Variants in DGKB observed in about 807,000 individuals in gnomAD.
DGKB encodes the protein diacylglycerol kinase beta.
DGKB carries 67 observed loss-of-function variants against 114.3 expected under a neutral mutation model. That is an observed-to-expected ratio of 0.59 (90% CI 0.48 to 0.72). DGKB has a LOEUF of 0.72. Among genes scored for constraint, DGKB ranks in the 30% least tolerant of loss-of-function variants. The pLI, the probability that DGKB is intolerant of heterozygous loss-of-function variation, is 0.00. For missense variants in DGKB, 907 were observed against 975.2 expected, an observed-to-expected ratio of 0.93 and a Z score of 0.93; for synonymous variants, 398 against 323.1, an observed-to-expected ratio of 1.23 and a Z score of -2.49.
chr7:14,393,081 TG>T (rs1366366807), intron 21 of DGKB, among the ~76,000 whole-genome samples: 1 of 144,898 alleles, frequency 6.9e-6, no homozygotes, highest in Admixed American at 7.1e-5. Context: ...CTCTGCCCCC[TG>T]GGGTTCACGC....
At chr7:14,639,011 C>G (rs1045500217) in intron 13 of DGKB, among the ~76,000 whole-genome samples, 3 of 151,866 alleles carry the variant, frequency 2.0e-5, no homozygotes, top group African/African-American at 7.3e-5. Context: ...GCACTGCAGC[C>G]TGGGCAACAA....
chr7:14,964,029 A>G (rs1006169212), intron 1 of DGKB, among the ~76,000 whole-genome samples: 9 of 152,144 alleles, frequency 5.9e-5, no homozygotes, highest in African/African-American at 2.4e-5. Context: ...AAAATTATTT[A>G]TAAGAAAAAG....
At position 14,934,394 on chromosome 7, in the gene DGKB, T is replaced by C. The variant is rs537095235; in HGVS notation, c.-188+40302A>G. 2.6e-5 allele frequency among the ~76,000 whole-genome samples: 4 copies of C among 152,282 alleles called. No homozygotes were observed. The South Asian group carries it at 8.3e-4, about 32-fold the overall frequency. On this transcript the variant is annotated intron_variant, in intron 1 of 4. Coordinates refer to the DGKB transcript ENST00000437998. ...GTGTGATATAGAGAAAAGCAAGCAA[T>C]TATGTGAAAATATGCTAGATTATCA...
Position 14,261,123 on chromosome 7 carries a change from G to T in DGKB, c.2122+77392C>A, listed in dbSNP as rs547966019. Among the ~76,000 whole-genome samples the T allele has an allele frequency of 7.2e-5, 11 of 152,030 alleles. No individual in the cohort carries two copies. In the South Asian group the frequency reaches 2.3e-3, roughly 32 times the overall value. Reference sequence around the variant, plus strand: ...TGGGCAATTGCTAGATTTTCTTAATGATATTTTAACCGGTCTAAATTATGC... The same window carrying T: ...TGGGCAATTGCTAGATTTTCTTAATTATATTTTAACCGGTCTAAATTATGC... On this transcript the variant is annotated intron_variant, in intron 23 of 25. Coordinates refer to ENST00000402815, the MANE Select transcript of DGKB (RefSeq NM_001350709.2).
At chr7:14,553,060 A>G (rs1795336119) in intron 20 of DGKB, among the ~76,000 whole-genome samples, 1 of 152,262 alleles carries the variant, frequency 6.6e-6, no homozygotes, top group Admixed American at 6.5e-5. Flanking sequence ...TAAGAAGCAA[A>G]TGGGAAGAAC....
At chr7:14,912,667 G>A (rs982765146) in intron 1 of DGKB, among the ~76,000 whole-genome samples, 1 of 152,102 alleles carries the variant, frequency 6.6e-6, no homozygotes, top group African/African-American at 2.4e-5. Context: ...AACAAAGTAG[G>A]ACTAAGTGGA....
intron 20 of DGKB, among the ~76,000 whole-genome samples, chr7:14,535,490 T>C (rs113179030): frequency 6.6e-6 from 1 of 151,830 alleles, no homozygotes; most frequent in Non-Finnish European, 1.5e-5. Flanking sequence ...GCTAAAGCCA[T>C]AGTTAGCAGA....
chr7:14,489,574 A>T lies in DGKB; in HGVS notation c.1771-11349T>A, dbSNP rs529169971. ...AATTTCCGAAAATCTGCAAAGAAAG[A>T]CTTATCATCTTTGAATACCCAAGGG... On this transcript the variant is annotated intron_variant, in intron 20 of 25. Transcript: ENST00000402815. Among the ~76,000 whole-genome samples the T allele has an allele frequency of 3.3e-5, 5 of 152,328 alleles. No individual in the cohort carries two copies. In the South Asian group the frequency reaches 1.0e-3, roughly 32 times the overall value.
chr7:14,153,526 T>C (rs552747602), intron 25 of DGKB, among the ~76,000 whole-genome samples: 10 of 152,150 alleles, frequency 6.6e-5, no homozygotes, highest in African/African-American at 1.9e-4. Context: ...ATAACATCAG[T>C]CAAGTGGGTA....
chr7:14,295,265 A>G lies in DGKB; in HGVS notation c.2122+43250T>C, dbSNP rs1302532121. Among the ~76,000 whole-genome samples the G allele has an allele frequency of 1.3e-5, 2 of 152,188 alleles. 1 individual carries two copies. The highest frequency in any genetic ancestry group is 3.8e-4 in the East Asian group (2 of 5,200). On this transcript the variant is annotated intron_variant, in intron 23 of 25. Transcript: ENST00000402815. ...GGTAACATGTTTGCTTTTAGTTAGC[A>G]ATATGTAACCATCATTGTCTGATAA...
At chr7:14,236,744 A>T (rs1792848298) in intron 23 of DGKB, among the ~76,000 whole-genome samples, 1 of 151,972 alleles carries the variant, frequency 6.6e-6, no homozygotes, top group African/African-American at 2.4e-5. Flanking sequence ...AAGCTTATAA[A>T]CCAACAACTT....
At chr7:14,691,345 T>A (rs1469711764) in intron 9 of DGKB, among the ~76,000 whole-genome samples, 1 of 152,172 alleles carries the variant, frequency 6.6e-6, no homozygotes, top group Non-Finnish European at 1.5e-5. Flanking sequence ...TAGGACAACC[T>A]AACAAGACAA....
At chr7:14,482,708 G>A (rs1783164775) in intron 20 of DGKB, among the ~76,000 whole-genome samples, 1 of 151,988 alleles carries the variant, frequency 6.6e-6, no homozygotes, top group African/African-American at 2.4e-5. Flanking sequence ...TTCCCATCTG[G>A]AATAAAACAA....
chr7:14,348,400 A>G (rs979042517), intron 21 of DGKB, among the ~76,000 whole-genome samples: 2 of 151,986 alleles, frequency 1.3e-5, no homozygotes, highest in African/African-American at 4.8e-5. Flanking sequence ...TATATAAAGA[A>G]CTCTGATGAT....
In DGKB at chr7:14,148,972, T is replaced by TAATA. The variant is rs1316088715; in HGVS notation, c.*155_*158dup. The TAATA allele has an allele frequency of 7.8e-6, 5 of 643,576 alleles. No homozygotes were observed. The highest frequency in any genetic ancestry group is 3.7e-5 in the African/African-American group (2 of 53,724). The allele number at this position is 643,576 out of a possible 1,614,324, so 39.9% of individuals were successfully genotyped here. On this transcript the variant is annotated 3_prime_UTR_variant, in exon 26 of 26. Coordinates refer to ENST00000402815, the MANE Select transcript of DGKB (RefSeq NM_001350709.2). ...ATAAAAACTGAGACAATAAATTTTC[T>TAATA]AATAGCTGAATTTTACATTAGCTTA...
chr7:14,856,098 A>G (rs1048079216), intron 1 of DGKB, among the ~76,000 whole-genome samples: 3 of 152,070 alleles, frequency 2.0e-5, no homozygotes, highest in Non-Finnish European at 4.4e-5. Flanking sequence ...AATGACAGAT[A>G]AAATCAGATC....
At chr7:14,585,990 A>G (rs1239727609) in intron 17 of DGKB, among the ~76,000 whole-genome samples, 1 of 152,098 alleles carries the variant, frequency 6.6e-6, no homozygotes, top group Non-Finnish European at 1.5e-5. Context: ...CTTAGACACA[A>G]CAGTATTGAA....
intron 23 of DGKB, among the ~76,000 whole-genome samples, chr7:14,291,828 T>A (rs1801821940): frequency 6.6e-6 from 1 of 152,184 alleles, no homozygotes; most frequent in Non-Finnish European, 1.5e-5. Flanking sequence ...AAGATCTTGT[T>A]GCCCTGAACA....
At chr7:14,767,071 T>A (rs1232950023) in intron 2 of DGKB, among the ~76,000 whole-genome samples, 1 of 151,470 alleles carries the variant, frequency 6.6e-6, no homozygotes. Flanking sequence ...CAAAAACAAT[T>A]TTTTGCCATA....
Sources: allele counts gnomAD v4.1 joint callset (sites outside exome capture counted in the v4.1 genomes callset), GRCh38; gene constraint gnomAD v4.1.1; transcripts MANE v1.5; gene names NCBI Gene and HGNC (gene_info 2026-07-23, HGNC 2026-07-21).